The following CHODL variants were observed in gnomAD, a reference collection of about 807,000 sequenced individuals.
CHODL encodes the protein transmembrane protein MT75.
A neutral mutation model predicts 34.5 loss-of-function variants in CHODL; 29 were observed. That is an observed-to-expected ratio of 0.84 (90% CI 0.63 to 1.15). The LOEUF is 1.15. CHODL is among the 50% of genes most tolerant of loss of function. The pLI is 0.00. For synonymous variants in CHODL, 125 were observed against 116.1 expected (o/e 1.08, Z -0.49); for missense variants, 332 against 332.5 (o/e 1.00, Z 0.01).
chr21:18,031,424 A>G (rs2064246427), intron 2 of CHODL, among the ~76,000 whole-genome samples: 1 of 152,154 alleles, frequency 6.6e-6, no homozygotes, highest in Non-Finnish European at 1.5e-5. Flanking sequence ...GTAATAATAG[A>G]GAAGAAGAAG....
chr21:17,965,453 C>CTCCTCT (rs746443180), intron 1 of CHODL, among the ~76,000 whole-genome samples: 1 of 152,164 alleles, frequency 6.6e-6, no homozygotes, highest in African/African-American at 2.4e-5. Flanking sequence ...CCTCCTCCTC[C>CTCCTCT]TCCTCTTCCT....
chr21:18,248,741 G>A (rs28540366), intron 1 of CHODL, among the ~76,000 whole-genome samples: 55 of 96,974 alleles, frequency 5.7e-4, no homozygotes, highest in African/African-American at 2.5e-3. Flanking sequence ...TAATATATAT[G>A]TATAATATAT....
intron 2 of CHODL, among the ~76,000 whole-genome samples, chr21:18,133,750 G>A (rs372035088): frequency 1.3e-5 from 2 of 152,148 alleles, no homozygotes; most frequent in African/African-American, 4.8e-5. Context: ...ACATATATGT[G>A]TAAGCATCAC....
chr21:17,918,568 G>A lies in CHODL; in HGVS notation c.-145+1168G>A, dbSNP rs139675664. On this transcript the variant is annotated intron_variant, in intron 1 of 6. Transcript: ENST00000400127. ...CCCCATAATTTAATCACTTCCCCCC[G>A]GGTTCCTCCTAGGACACATGGGAAT... Among the ~76,000 whole-genome samples, 1,433 of 152,086 alleles carry A rather than the reference G, an allele frequency of 9.4e-3. 20 individuals carry two copies. The highest frequency in any genetic ancestry group is 0.029 in the African/African-American group (1,183 of 41,464).
chr21:18,136,719 C>CATATATATATATAT (rs147280660), intron 2 of CHODL, among the ~76,000 whole-genome samples: 3 of 118,752 alleles, frequency 2.5e-5, no homozygotes, highest in Non-Finnish European at 5.6e-5. Flanking sequence ...TAAATCAAAG[C>CATATATATATATAT]ATATATATAT....
At chr21:18,245,698 C>T (rs1378020797) in intron 1 of CHODL, among the ~76,000 whole-genome samples, 1 of 152,132 alleles carries the variant, frequency 6.6e-6, no homozygotes. Flanking sequence ...AGAAATGCCA[C>T]CCTCTGTCGC....
At chr21:18,015,313 C>A (rs945996630) in intron 1 of CHODL, among the ~76,000 whole-genome samples, 12 of 152,158 alleles carry the variant, frequency 7.9e-5, no homozygotes, top group Non-Finnish European at 1.6e-4. Context: ...TGCCTTCTCT[C>A]TCTCCTGTCA....
chr21:18,248,176 A>G (rs1362442206), intron 1 of CHODL, among the ~76,000 whole-genome samples: 1 of 151,868 alleles, frequency 6.6e-6, no homozygotes, highest in Non-Finnish European at 1.5e-5. Flanking sequence ...TTTATTTAGG[A>G]GACTGGGTGA....
chr21:18,110,862 T>A (rs75894650), intron 2 of CHODL, among the ~76,000 whole-genome samples: 14,178 of 152,224 alleles, frequency 0.093, 879 homozygotes, highest in Middle Eastern at 0.26. Flanking sequence ...TTTTTCTTTA[T>A]TGTGGTAAGC....
chr21:18,032,710 T>TC (rs958460715), intron 2 of CHODL, among the ~76,000 whole-genome samples: 23 of 152,138 alleles, frequency 1.5e-4, no homozygotes, highest in African/African-American at 5.5e-4. Context: ...TCCTTTTTTT[T>TC]CCCCACTGAA....
rs1289950552 is a variant in CHODL at position 18,251,538 on chromosome 21, T to A, written c.80-4971T>A. Among the ~76,000 whole-genome samples, 4 of 15,310 alleles carry A rather than the reference T, an allele frequency of 2.6e-4. 1 individual carries two copies. Among genetic ancestry groups the A allele is most frequent in the African/African-American group, 6.9e-4 (4 of 5,784 alleles). 10.0% of individuals were successfully genotyped at this position (15,310 alleles called of 152,430 possible). A position where few individuals can be genotyped will look rare whatever the true frequency, so the allele number is the denominator to read the frequency against. ...TATAAAATATTTATTTTATTTATTA[T>A]TTTAATATATAAATATTTATTTTAT... On this transcript the variant is annotated intron_variant, in intron 1 of 5. Coordinates refer to ENST00000299295, the MANE Select transcript of CHODL (RefSeq NM_024944.3).
At chr21:18,107,925 G>T (rs1040630828) in intron 2 of CHODL, among the ~76,000 whole-genome samples, 1 of 152,176 alleles carries the variant, frequency 6.6e-6, no homozygotes, top group Non-Finnish European at 1.5e-5. Context: ...ATAAGCATGT[G>T]GAAAAGATGA....
In CHODL at chr21:18,083,359, G is replaced by A. The variant is rs554449825; in HGVS notation, c.-45+55388G>A. 2.0e-4 allele frequency among the ~76,000 whole-genome samples: 30 copies of A among 152,354 alleles called. No individual in the cohort carries two copies. The Middle Eastern group carries it at 0.017, about 86-fold the overall frequency. On this transcript the variant is annotated intron_variant, in intron 2 of 6. Coordinates refer to the CHODL transcript ENST00000400127. ...ACTGCAGGGGTAGAACCTTCATGGA[G>A]AGCCTCTGCTAGGGCAGTCTGGAAT...
chr21:18,090,427 A>G (rs1483168143), intron 2 of CHODL, among the ~76,000 whole-genome samples: 1 of 152,230 alleles, frequency 6.6e-6, no homozygotes, highest in Non-Finnish European at 1.5e-5. Context: ...CTTGAAACAT[A>G]AAAGAGAAAG....
chr21:17,938,755 GGT>G (rs2063340143), intron 1 of CHODL, among the ~76,000 whole-genome samples: 1 of 151,996 alleles, frequency 6.6e-6, no homozygotes, highest in Non-Finnish European at 1.5e-5. Flanking sequence ...TGGGATTACA[GGT>G]GTGAGCCACG....
chr21:17,966,503 G>T (rs112022188), intron 1 of CHODL, among the ~76,000 whole-genome samples: 1 of 152,124 alleles, frequency 6.6e-6, no homozygotes, highest in African/African-American at 2.4e-5. Context: ...GATTGAGTCC[G>T]CACTTGTCTA....
chr21:17,981,678 A>G (rs530753062), intron 1 of CHODL, among the ~76,000 whole-genome samples: 4 of 152,330 alleles, frequency 2.6e-5, no homozygotes, highest in African/African-American at 9.6e-5. Flanking sequence ...GACAGAGAGA[A>G]ACTCATGGAT....
intron 1 of CHODL, among the ~76,000 whole-genome samples, chr21:17,942,047 T>A (rs2063368729): frequency 6.6e-6 from 1 of 152,122 alleles, no homozygotes; most frequent in Admixed American, 6.6e-5. Flanking sequence ...CATATACATT[T>A]TGGGGGGAAT....
intron 1 of CHODL, among the ~76,000 whole-genome samples, chr21:17,958,990 GCT>G (rs1435410520): frequency 6.6e-6 from 1 of 151,902 alleles, no homozygotes; most frequent in East Asian, 1.9e-4. Context: ...TCTTCAGCTT[GCT>G]CTTTCTTTTT....
Sources: gnomAD v4.1 joint callset for allele counts (sites outside exome capture counted in the v4.1 genomes callset) on GRCh38, gnomAD v4.1.1 for gene constraint, MANE v1.5 for transcripts, NCBI Gene and HGNC (gene_info 2026-07-23, HGNC 2026-07-21) for gene names.